Variants in POP1 observed in about 807,000 individuals in gnomAD.
POP1 encodes POP1 ribonuclease P/MRP subunit, also known as ribonucleases P/MRP protein subunit POP1.
In POP1, 75 loss-of-function variants were observed where a neutral mutation model predicts 102.2. The ratio of observed to expected loss-of-function variants is 0.73; its 90% CI spans 0.61 to 0.89. POP1 has a LOEUF of 0.89. Ranked by LOEUF, POP1 falls within the 40% of genes least tolerant of loss-of-function variation. The probability of loss-of-function intolerance (pLI) is 0.00; values close to 1 mark genes in which losing one functional copy is unlikely to be tolerated. For missense variants in POP1, 1,116 were observed against 1,267.4 expected, an observed-to-expected ratio of 0.88 and a Z score of 1.81; for synonymous variants, 436 against 464.1, an observed-to-expected ratio of 0.94 and a Z score of 0.78.
chr8:98,150,310 C>T (rs935733176), intron 13 of POP1, among the ~76,000 whole-genome samples, 175 bp from the exon 14 acceptor site: 9 of 152,188 alleles, frequency 5.9e-5, no homozygotes, highest in Admixed American at 5.2e-4. Context: ...GTTAATGAAG[C>T]ATGACGAAGC....
chr8:98,156,361 A>G lies in POP1; in HGVS notation c.2369A>G (p.Glu790Gly). ...SAGPERITDQ[E>G]ASENHVAATG... is the part of the protein sequence containing the mutation. ...GGGCCTGAGAGGATCACAGACCAGG[A>G]GGCCAGTGAAAACCATGTTGCTGCC... The change falls in exon 15 of 16, where the codon GAG becomes GGG. Residue 790 changes from glutamate to glycine, a missense_variant. Transcript: ENST00000401707. 1.2e-6 allele frequency: 2 copies of G among 1,614,010 alleles called. No homozygotes were observed. Among genetic ancestry groups the G allele is most frequent in the Non-Finnish European group, 1.7e-6 (2 of 1,179,988 alleles).
intron 9 of POP1, among the ~76,000 whole-genome samples, chr8:98,137,356 G>A (rs1238022424): frequency 6.6e-6 from 1 of 151,684 alleles, no homozygotes; most frequent in African/African-American, 2.4e-5. Flanking sequence ...AGGCTGGAAT[G>A]CAGTGGTGCG....
At position 98,135,276 on chromosome 8, in the gene POP1, GA is replaced by G. The variant is rs749952011; in HGVS notation, c.1011+630del. 9.8e-4 allele frequency among the ~76,000 whole-genome samples: 133 copies of G among 136,168 alleles called. No individual in the cohort carries two copies. The East Asian group carries it at 0.013, about 14-fold the overall frequency. The allele number at this position is 136,168 out of a possible 152,430, so 89.3% of individuals were successfully genotyped here. A position where few individuals can be genotyped will look rare whatever the true frequency, so the allele number is the denominator to read the frequency against. Reference sequence around the variant, plus strand: ...CTGGGTGACAGTGAGACCCTGTCTCGAAAAAAAAAAAAACTAATCTTGACAT... The same window carrying G: ...CTGGGTGACAGTGAGACCCTGTCTCGAAAAAAAAAAAACTAATCTTGACAT... On this transcript the variant is annotated intron_variant, in intron 7 of 15. Transcript: ENST00000401707.
rs549053879 is a variant in POP1, at chr8:98,120,942, G to A, written c.-2-2394G>A. Among the ~76,000 whole-genome samples the A allele has an allele frequency of 1.7e-3, 254 of 152,090 alleles. 1 individual carries two copies. Among genetic ancestry groups the A allele is most frequent in the African/African-American group, 5.7e-3 (237 of 41,488 alleles). On this transcript the variant is annotated intron_variant, in intron 1 of 15. Coordinates refer to ENST00000401707, the MANE Select transcript of POP1 (RefSeq NM_001145860.2). ...ATTACAGGCGTGAACCACCGCTCCC[G>A]GCCTCATTTTTGTATTTTTTAGTAG...
At chr8:98,127,965 C>T (rs1396319975) in intron 3 of POP1, among the ~76,000 whole-genome samples, 1 of 152,104 alleles carries the variant, frequency 6.6e-6, no homozygotes, top group Non-Finnish European at 1.5e-5. Context: ...CAGTTTCTCT[C>T]CCTGTCTCTT....
chr8:98,157,503 G>A (rs1341249540), intron 15 of POP1, 114 bp from the exon 16 acceptor site: 16 of 1,246,404 alleles, frequency 1.3e-5, no homozygotes, highest in Non-Finnish European at 1.7e-5. Flanking sequence ...TTGTAGTTTT[G>A]ATTCTTATAT....
At chr8:98,138,382 C>T (rs2130606844) in intron 9 of POP1, among the ~76,000 whole-genome samples, 2 of 152,244 alleles carry the variant, frequency 1.3e-5, no homozygotes, top group Middle Eastern at 3.4e-3. Flanking sequence ...TCTTGTCTCC[C>T]TTAGAGCCTT....
intron 15 of POP1, 91 bp from the exon 16 acceptor site, chr8:98,157,526 T>C: frequency 6.9e-7 from 1 of 1,439,530 alleles, no homozygotes; most frequent in South Asian, 1.2e-5. Context: ...TATAAAAGAA[T>C]CAAATTAATT....
intron 4 of POP1, among the ~76,000 whole-genome samples, chr8:98,129,345 C>G (rs897912647): frequency 2.6e-5 from 4 of 152,144 alleles, no homozygotes; most frequent in African/African-American, 9.7e-5. Context: ...AAGATTAAGC[C>G]CATGTCTTTA....
At chr8:98,133,605 G>T (rs1242682880) in intron 5 of POP1, among the ~76,000 whole-genome samples, 1 of 152,158 alleles carries the variant, frequency 6.6e-6, no homozygotes, top group Admixed American at 6.6e-5. Context: ...AGAGGCAACA[G>T]TTATGTACCC....
At chr8:98,119,460 A>G (rs1009723045) in intron 1 of POP1, among the ~76,000 whole-genome samples, 3 of 152,206 alleles carry the variant, frequency 2.0e-5, no homozygotes, top group African/African-American at 7.2e-5. Context: ...AACATAACGT[A>G]TCCATTTTAT....
intron 2 of POP1, among the ~76,000 whole-genome samples, chr8:98,125,116 A>G (rs1816156896): frequency 6.6e-6 from 1 of 151,944 alleles, no homozygotes; most frequent in Non-Finnish European, 1.5e-5. Context: ...AATTAACACC[A>G]CAATTGAAAT....
chr8:98,142,201 CCTCT>C (rs1489747236), intron 11 of POP1, among the ~76,000 whole-genome samples: 1 of 151,710 alleles, frequency 6.6e-6, no homozygotes, highest in Non-Finnish European at 1.5e-5. Context: ...ATTATTAAAT[CCTCT>C]CTAAGGCTTT....
chr8:98,157,068 A>G (rs900335469), intron 15 of POP1, among the ~76,000 whole-genome samples: 6 of 151,016 alleles, frequency 4.0e-5, no homozygotes, highest in Admixed American at 1.3e-4. Flanking sequence ...CGCCTGGCTA[A>G]TTTTCACCAT....
At chr8:98,138,342 T>C (rs1816609465) in intron 9 of POP1, among the ~76,000 whole-genome samples, 2 of 152,218 alleles carry the variant, frequency 1.3e-5, no homozygotes, top group African/African-American at 2.4e-5. Flanking sequence ...TCAGCCACCC[T>C]GACCTTCTTT....
intron 7 of POP1, 135 bp from the exon 8 acceptor site, chr8:98,136,347 A>G (rs1816538492): frequency 1.1e-6 from 1 of 914,304 alleles, no homozygotes. Flanking sequence ...AAGTGCTGGG[A>G]TTACAGGTAT....
Position 98,155,909 on chromosome 8 carries a change from TTGTGTGTG to T in POP1, c.2058-101_2058-94del, listed in dbSNP as rs58936294. ...TTATCATATGTTTCTTGGAAAGCTTTTGTGTGTGTGTGTGTGTGTGTGTGTGTGTGTGT... is the reference window on the plus strand; with the variant it reads ...TTATCATATGTTTCTTGGAAAGCTTTTGTGTGTGTGTGTGTGTGTGTGTGT... On this transcript the variant is annotated intron_variant, in intron 14 of 15. Transcript: ENST00000401707. 0.047 allele frequency: 24,327 copies of T among 517,788 alleles called. 649 individuals carry two copies. Among genetic ancestry groups the T allele is most frequent in the African/African-American group, 0.15 (7,500 of 49,044 alleles). 32.1% of individuals were successfully genotyped at this position (517,788 alleles called of 1,614,324 possible).
intron 13 of POP1, among the ~76,000 whole-genome samples, chr8:98,149,523 G>A (rs970939838): frequency 3.3e-5 from 5 of 152,108 alleles, no homozygotes; most frequent in South Asian, 2.1e-4. Flanking sequence ...TTGGGAGACC[G>A]AGGTGGGCAG....
At chr8:98,118,856 A>G (rs936109944) in intron 1 of POP1, among the ~76,000 whole-genome samples, 3 of 144,446 alleles carry the variant, frequency 2.1e-5, no homozygotes, top group Non-Finnish European at 4.5e-5. Context: ...GAAGGGGTGG[A>G]AAAAAAAAAA....
Sources: allele counts gnomAD v4.1 joint callset (sites outside exome capture counted in the v4.1 genomes callset), GRCh38; gene constraint gnomAD v4.1.1; transcripts MANE v1.5; gene names NCBI Gene and HGNC (gene_info 2026-07-23, HGNC 2026-07-21).